Variants in SKA2 observed in about 807,000 individuals in gnomAD.
SKA2 encodes the protein spindle and kinetochore associated complex subunit 2.
Under a neutral mutation model 16.9 loss-of-function variants are expected in SKA2, and 13 were observed. The observed-to-expected ratio is 0.77, with a 90% CI of 0.50 to 1.22. The LOEUF (loss-of-function observed/expected upper bound fraction) is 1.22, where lower values mean the gene tolerates loss of function less well. Ranked by LOEUF, SKA2 falls within the 50% of genes most tolerant of loss-of-function variation. The probability of loss-of-function intolerance (pLI) is 0.00; values close to 1 mark genes in which losing one functional copy is unlikely to be tolerated. For missense variants in SKA2, 107 were observed against 139.7 expected, an observed-to-expected ratio of 0.77 and a Z score of 1.18; for synonymous variants, 47 against 48.5, an observed-to-expected ratio of 0.97 and a Z score of 0.13.
intron 1 of SKA2, among the ~76,000 whole-genome samples, chr17:59,143,700 T>C (rs1485262935): frequency 6.6e-6 from 1 of 151,880 alleles, no homozygotes; most frequent in Non-Finnish European, 1.5e-5. Flanking sequence ...CTCGAACTCC[T>C]GACCTCAGGT....
intron 2 of SKA2, among the ~76,000 whole-genome samples, chr17:59,123,339 A>G (rs575412567): frequency 3.4e-5 from 5 of 147,278 alleles, no homozygotes; most frequent in African/African-American, 1.3e-4. Flanking sequence ...CGGGTGGATC[A>G]TGAGGTCAGG....
At chr17:59,152,245 C>T (rs2046582933) in intron 1 of SKA2, among the ~76,000 whole-genome samples, 1 of 152,104 alleles carries the variant, frequency 6.6e-6, no homozygotes, top group Non-Finnish European at 1.5e-5. Flanking sequence ...GCTTATTCCC[C>T]CATTAGTAAT....
intron 2 of SKA2, among the ~76,000 whole-genome samples, chr17:59,125,389 A>G (rs1226561360): frequency 6.6e-6 from 1 of 151,904 alleles, no homozygotes; most frequent in African/African-American, 2.4e-5. Flanking sequence ...GGTTTTAGTT[A>G]TCATGAGTGG....
At chr17:59,130,156 T>C (rs1199734404) in intron 2 of SKA2, among the ~76,000 whole-genome samples, 1 of 151,954 alleles carries the variant, frequency 6.6e-6, no homozygotes, top group African/African-American at 2.4e-5. Context: ...TTCCATGAAA[T>C]AAACAGTAAA....
Position 59,121,956 on chromosome 17 carries a change from G to A in SKA2, c.121-2461C>T, listed in dbSNP as rs556543347. On this transcript the variant is annotated intron_variant, in intron 2 of 3. Transcript: ENST00000330137. ...CACTGCACTCCAGCCTAACCACAGA[G>A]TGCGACTCCATCTGAAAAAAAAAAA... 3.8e-3 allele frequency among the ~76,000 whole-genome samples: 568 copies of A among 150,898 alleles called. 3 individuals carry two copies. Among genetic ancestry groups the A allele is most frequent in the Non-Finnish European group, 5.7e-3 (388 of 67,744 alleles).
At chr17:59,124,372 C>T (rs1013742660) in intron 2 of SKA2, 1 of 151,352 alleles carries the variant, frequency 6.6e-6, no homozygotes, top group Non-Finnish European at 1.5e-5. Context: ...GTCAAAGCTG[C>T]AGTGAGCCAT....
Position 59,126,125 on chromosome 17 carries a change from C to T in SKA2, c.120+5156G>A, listed in dbSNP as rs183839627. Among the ~76,000 whole-genome samples, 883 of 151,296 alleles carry T rather than the reference C, an allele frequency of 5.8e-3. 13 individuals are homozygous for T. The highest frequency in any genetic ancestry group is 0.021 in the African/African-American group (854 of 40,982). On this transcript the variant is annotated intron_variant, in intron 2 of 3. Transcript: ENST00000330137. ...GGCGGAGCTTGCAGTGAGCCGAGAT[C>T]GCGCCACTGCACTCCAGCCTGGGCG...
intron 3 of SKA2, among the ~76,000 whole-genome samples, chr17:59,112,956 C>T (rs2046273040): frequency 6.6e-6 from 1 of 151,976 alleles, no homozygotes; most frequent in South Asian, 2.1e-4. Context: ...CTCTGTCGCC[C>T]AGGCTGGAGT....
At chr17:59,114,677 G>A (rs1212610316) in intron 3 of SKA2, among the ~76,000 whole-genome samples, 5 of 152,154 alleles carry the variant, frequency 3.3e-5, no homozygotes, top group Non-Finnish European at 5.9e-5. Flanking sequence ...ATGGCCAATA[G>A]CATCCACCAA....
chr17:59,139,945 T>C (rs2046475475), intron 1 of SKA2, among the ~76,000 whole-genome samples: 2 of 152,210 alleles, frequency 1.3e-5, no homozygotes, highest in South Asian at 4.1e-4. Context: ...AACTACCCTT[T>C]AAAACACGTT....
rs185721013 is a variant in SKA2 at position 59,147,068 on chromosome 17, G to T, written c.33+8063C>A. On this transcript the variant is annotated intron_variant, in intron 1 of 3. Coordinates refer to ENST00000330137, the MANE Select transcript of SKA2 (RefSeq NM_182620.4). Reference sequence around the variant, plus strand: ...AGCTACTAGGGAGGCTGAGGCAGAAGAATCGCTTGAACCTGCGAGACAGAG... The same window carrying T: ...AGCTACTAGGGAGGCTGAGGCAGAATAATCGCTTGAACCTGCGAGACAGAG... 5.3e-5 allele frequency among the ~76,000 whole-genome samples: 8 copies of T among 151,994 alleles called. No homozygotes were observed. The East Asian group carries it at 1.5e-3, about 29-fold the overall frequency.
At chr17:59,125,147 A>ATTTTT (rs10719455) in intron 2 of SKA2, among the ~76,000 whole-genome samples, 2 of 95,918 alleles carry the variant, frequency 2.1e-5, no homozygotes, top group Admixed American at 1.1e-4. Flanking sequence ...CTAATTTTGT[A>ATTTTT]TTTTTTTTTT....
chr17:59,114,014 T>G (rs1487195197), intron 3 of SKA2, among the ~76,000 whole-genome samples: 1 of 152,140 alleles, frequency 6.6e-6, no homozygotes, highest in Non-Finnish European at 1.5e-5. Context: ...TTAACGGTGC[T>G]AGGTATCACA....
intron 1 of SKA2, chr17:59,151,159 T>C (rs769113899): frequency 2.0e-5 from 10 of 510,874 alleles, no homozygotes; most frequent in Non-Finnish European, 3.7e-5. Flanking sequence ...GCTTTGACAA[T>C]ACTATTGCAC....
intron 1 of SKA2, among the ~76,000 whole-genome samples, chr17:59,153,333 A>T (rs999925898): frequency 6.6e-6 from 1 of 152,168 alleles, no homozygotes; most frequent in Admixed American, 6.5e-5. Context: ...TGTTTTTTTT[A>T]AATGATAATA....
intron 2 of SKA2, among the ~76,000 whole-genome samples, chr17:59,126,349 C>G (rs909262845): frequency 3.9e-5 from 6 of 152,106 alleles, no homozygotes; most frequent in African/African-American, 1.4e-4. Context: ...GCCTCCAAAT[C>G]ACGAGGGGTA....
At chr17:59,148,464 C>T (rs2046550959) in intron 1 of SKA2, among the ~76,000 whole-genome samples, 1 of 151,902 alleles carries the variant, frequency 6.6e-6, no homozygotes, top group Non-Finnish European at 1.5e-5. Flanking sequence ...TGTCAATAGG[C>T]CGGAGTGCAG....
rs866006244 is a variant in SKA2, at chr17:59,126,066, G to A, written c.120+5215C>T. 1.3e-3 allele frequency among the ~76,000 whole-genome samples: 195 copies of A among 152,096 alleles called. 2 individuals are homozygous for A. In the Middle Eastern group the frequency reaches 0.017, roughly 13 times the overall value. Reference sequence around the variant, plus strand: ...GGTGCCTGTAGTCCCAGCTACTCGGGAGGCTGAGGCAGGAGAATGGCGTGA... The same window carrying A: ...GGTGCCTGTAGTCCCAGCTACTCGGAAGGCTGAGGCAGGAGAATGGCGTGA... On this transcript the variant is annotated intron_variant, in intron 2 of 3. Transcript: ENST00000330137.
intron 1 of SKA2, among the ~76,000 whole-genome samples, chr17:59,141,973 T>TA (rs2046494009): frequency 6.6e-6 from 1 of 152,046 alleles, no homozygotes; most frequent in Admixed American, 6.6e-5. Context: ...CTCATGGAGC[T>TA]AGAGGAAACA....
Sources: allele counts gnomAD v4.1 joint callset (sites outside exome capture counted in the v4.1 genomes callset), GRCh38; gene constraint gnomAD v4.1.1; transcripts MANE v1.5; gene names NCBI Gene and HGNC (gene_info 2026-07-23, HGNC 2026-07-21).